TBRG4: variants seen among roughly 807,000 people sequenced by gnomAD.
TBRG4 encodes the protein transforming growth factor beta regulator 4.
A neutral mutation model predicts 65.6 loss-of-function variants in TBRG4; 43 were observed. The ratio of observed to expected loss-of-function variants is 0.66; its 90% CI spans 0.51 to 0.85. TBRG4 has a LOEUF of 0.85. Ranked by LOEUF, TBRG4 falls within the 40% of genes least tolerant of loss-of-function variation. TBRG4 has a pLI of 0.00. For synonymous variants in TBRG4, 366 were observed against 341.4 expected (o/e 1.07, Z -0.79); for missense variants, 709 against 787.9 (o/e 0.90, Z 1.20).
At chr7:45,103,530 C>G in intron 5 of TBRG4, 87 bp from the exon 6 acceptor site, 2 of 1,074,452 alleles carry the variant, frequency 1.9e-6, no homozygotes, top group Non-Finnish European at 2.8e-6. Flanking sequence ...CTGAGGAGAG[C>G]CTGCATGGCC....
rs1784781508 is a variant in TBRG4, at chr7:45,102,082, G to A, written c.1322-12C>T. 1 of 1,567,170 alleles carries A rather than the reference G, an allele frequency of 6.4e-7. No individual in the cohort carries two copies. The highest frequency in any genetic ancestry group is 8.6e-7 in the Non-Finnish European group (1 of 1,163,554). On this transcript the variant is annotated splice_polypyrimidine_tract_variant and intron_variant, in intron 7 of 10. Coordinates refer to ENST00000258770, the MANE Select transcript of TBRG4 (RefSeq NM_004749.4). Reference sequence around the variant, plus strand: ...CTGAGACTTGCCCCCTAGGAGACAAGGAGAAAGAAGAGGGAGGTGGGCCTA... The same window carrying A: ...CTGAGACTTGCCCCCTAGGAGACAAAGAGAAAGAAGAGGGAGGTGGGCCTA...
intron 10 of TBRG4, 78 bp from the exon 11 acceptor site, chr7:45,100,504 G>T: frequency 1.7e-6 from 2 of 1,166,096 alleles, no homozygotes; most frequent in Non-Finnish European, 1.3e-6. Flanking sequence ...CTTGCCTGCT[G>T]TCCTCACATT....
chr7:45,111,586 G>A (rs1785126991), intron 1 of TBRG4, 57 bp downstream of exon 1: 3 of 1,288,954 alleles, frequency 2.3e-6, no homozygotes, highest in Admixed American at 2.3e-5. Flanking sequence ...CCACGCCTGT[G>A]TTGTGCACTC....
Position 45,105,750 on chromosome 7 carries a change from C to G in TBRG4, c.426G>C (p.Trp142Cys), listed in dbSNP as rs939180112. 6.2e-7 allele frequency: 1 copy of G among 1,608,188 alleles called. No homozygotes were observed. The highest frequency in any genetic ancestry group is 8.5e-7 in the Non-Finnish European group (1 of 1,176,174). ...CCAGCAGCTTCGAGAGGGTACCATG[C>G]CAGACCGAGGCAATCTAGGCAGAGA... ...CLLNSQIASV[W>C]HGTLSKLLGS... Residue 142 changes from tryptophan to cysteine, a missense_variant, in exon 3 of 11, where the codon TGG becomes TGC. By Grantham distance (215) the Trp-to-Cys change is radical. Transcript: ENST00000258770.
chr7:45,103,029 A>C (rs1784816697), intron 6 of TBRG4: 2 of 453,526 alleles, frequency 4.4e-6, no homozygotes, highest in Non-Finnish European at 8.2e-6. Context: ...TCCTGCCCTG[A>C]GCTGGTGCAC....
In TBRG4 at chr7:45,109,301, G is replaced by T; in HGVS notation, c.-50-14C>A. 1 of 1,510,240 alleles carries T rather than the reference G, an allele frequency of 6.6e-7. No individual in the cohort carries two copies. The highest frequency in any genetic ancestry group is 8.8e-7 in the Non-Finnish European group (1 of 1,133,258). 93.6% of individuals were successfully genotyped at this position (1,510,240 alleles called of 1,614,324 possible). A position where few individuals can be genotyped will look rare whatever the true frequency, so the allele number is the denominator to read the frequency against. On this transcript the variant is annotated splice_polypyrimidine_tract_variant and intron_variant, in intron 1 of 10. Coordinates refer to ENST00000258770, the MANE Select transcript of TBRG4 (RefSeq NM_004749.4). ...TGATTCCAAACCCTGAAGAGAAAAA[G>T]GAGAGAGAAGGGGCTACTACAGGGG...
intron 2 of TBRG4, chr7:45,107,775 C>CT (rs1785006166): frequency 6.5e-6 from 1 of 154,260 alleles, no homozygotes; most frequent in Non-Finnish European, 1.5e-5. Flanking sequence ...CATCATAAGA[C>CT]TTTCTTAAAT....
In TBRG4 at chr7:45,101,253, C is replaced by T; in HGVS notation, c.1794+5G>A. 2 of 1,611,900 alleles carry T rather than the reference C, an allele frequency of 1.2e-6. No homozygotes were observed. The highest frequency in any genetic ancestry group is 1.7e-6 in the Non-Finnish European group (2 of 1,178,794). On this transcript the variant is annotated splice_donor_5th_base_variant and intron_variant, in intron 10 of 10. Coordinates refer to ENST00000258770, the MANE Select transcript of TBRG4 (RefSeq NM_004749.4). ...GCAGTGACCACCTGCCCAAGAGGTACTCACGTCCACTATCAGGAAGCCTGC... is the reference window on the plus strand; with the variant it reads ...GCAGTGACCACCTGCCCAAGAGGTATTCACGTCCACTATCAGGAAGCCTGC...
chr7:45,103,208 C>A, intron 6 of TBRG4, 125 bp downstream of exon 6: 2 of 733,930 alleles, frequency 2.7e-6, no homozygotes. Flanking sequence ...CCCCTGCCCT[C>A]CCATGCCACA....
intron 5 of TBRG4, 34 bp from the exon 6 acceptor site, chr7:45,103,477 A>C: frequency 6.8e-7 from 1 of 1,476,372 alleles, no homozygotes; most frequent in South Asian, 1.2e-5. Context: ...GGGACAGAAT[A>C]AGCTCTCTGC....
rs766852440 is a variant in TBRG4, at chr7:45,108,908, C to A, written c.330G>T (p.Leu110Phe). The A allele has an allele frequency of 2.5e-6, 4 of 1,598,630 alleles. No individual in the cohort carries two copies. The highest frequency in any genetic ancestry group is 2.7e-5 in the African/African-American group (2 of 74,168). ...AAMVLIRLSH[L>F]LSEKPEDKGL... ...CTTTATCTTCTGGCTTCTCAGACAG[C>A]AAGTGAGAGAGCCGGATAAGTACCA... Residue 110 changes from leucine (L) to phenylalanine (F), a missense_variant, in exon 2 of 11, where the codon TTG becomes TTT. Coordinates refer to ENST00000258770, the MANE Select transcript of TBRG4 (RefSeq NM_004749.4).
chr7:45,103,018 C>G (rs923036756), intron 6 of TBRG4: 24 of 432,708 alleles, frequency 5.5e-5, no homozygotes, highest in Non-Finnish European at 9.5e-5. Context: ...AAGGCTCCCC[C>G]TCCTGCCCTG....
chr7:45,103,782 G>C (rs890251500), intron 5 of TBRG4: 1 of 515,854 alleles, frequency 1.9e-6, no homozygotes. Flanking sequence ...TCCACTTTGC[G>C]AGGGGGATCA....
Position 45,104,693 on chromosome 7 carries a change from TCCA to T in TBRG4, c.749_751del (p.Val250del). ...CCGCAGCTCATTGGGGCCAAAGTGC[TCCA>T]CCAACTCCAGGCACTGTCAACCACA... On this transcript the variant is annotated inframe_deletion, in exon 4 of 11. Transcript: ENST00000258770. 6.2e-7 allele frequency: 1 copy of T among 1,613,714 alleles called. No homozygotes were observed. The highest frequency in any genetic ancestry group is 8.5e-7 in the Non-Finnish European group (1 of 1,179,962).
intron 1 of TBRG4, among the ~76,000 whole-genome samples, chr7:45,109,709 G>A (rs1269107785): frequency 6.6e-6 from 1 of 152,092 alleles, no homozygotes; most frequent in Non-Finnish European, 1.5e-5. Flanking sequence ...AGGCGTGGTG[G>A]CTCACGCCTG....
rs1785114952 is a variant in TBRG4 at position 45,111,218 on chromosome 7, GGGATT to G, written c.-51+420_-51+424del. Among the ~76,000 whole-genome samples, 12 of 152,296 alleles carry G rather than the reference GGGATT, an allele frequency of 7.9e-5. 1 individual carries two copies. The South Asian group carries it at 2.5e-3, about 32-fold the overall frequency. Reference sequence around the variant, plus strand: ...ACCCGTCTCGGCCTCCCAAAGTGCTGGGATTACCGGAGTGAGCCACCGCGCCCGGC... The same window carrying G: ...ACCCGTCTCGGCCTCCCAAAGTGCTGACCGGAGTGAGCCACCGCGCCCGGC... On this transcript the variant is annotated intron_variant, in intron 1 of 10. Coordinates refer to ENST00000258770, the MANE Select transcript of TBRG4 (RefSeq NM_004749.4).
chr7:45,102,751 G>A, intron 6 of TBRG4: 1 of 514,050 alleles, frequency 1.9e-6, no homozygotes, highest in Non-Finnish European at 3.4e-6. Context: ...CATTTGATTA[G>A]GTTTACTACA....
At chr7:45,103,018 C>T (rs923036756) in intron 6 of TBRG4, 2 of 432,708 alleles carry the variant, frequency 4.6e-6, no homozygotes, top group South Asian at 2.3e-5. Context: ...AAGGCTCCCC[C>T]TCCTGCCCTG....
intron 6 of TBRG4, chr7:45,103,051 G>T: frequency 2.0e-6 from 1 of 495,056 alleles, no homozygotes; most frequent in Non-Finnish European, 3.7e-6. Context: ...TAGCACGAAG[G>T]CCCACTGGAG....
Sources: allele counts gnomAD v4.1 joint callset (sites outside exome capture counted in the v4.1 genomes callset), GRCh38; gene constraint gnomAD v4.1.1; transcripts MANE v1.5; gene names NCBI Gene and HGNC (gene_info 2026-07-23, HGNC 2026-07-21).